TRADD: variants seen among roughly 807,000 people sequenced by gnomAD.
The protein encoded by TRADD is TNFRSF1A associated via death domain, also known as tumor necrosis factor receptor type 1-associated DEATH domain protein.
A neutral mutation model predicts 31.5 loss-of-function variants in TRADD; 14 were observed. The observed-to-expected ratio is 0.44, with a 90% CI of 0.29 to 0.69. The LOEUF (loss-of-function observed/expected upper bound fraction) is 0.69. TRADD is among the 30% of genes least tolerant of loss of function. The pLI is 0.11. For missense variants in TRADD, 388 were observed against 435.7 expected, an observed-to-expected ratio of 0.89 and a Z score of 0.97; for synonymous variants, 220 against 215.8, an observed-to-expected ratio of 1.02 and a Z score of -0.17.
chr16:67,156,157 C>A lies in TRADD; in HGVS notation c.151+353G>T. On this transcript the variant is annotated intron_variant, in intron 2 of 4. Transcript: ENST00000345057. The surrounding 1 kb of genome is among the most constrained non-coding windows in gnomAD (Gnocchi z 4.6). ...TCTGCCCTGAGATGGGAAAGGGGGGCCTGGAAGGGTAGGTACTGGGGAGGG... is the reference window on the plus strand; with the variant it reads ...TCTGCCCTGAGATGGGAAAGGGGGGACTGGAAGGGTAGGTACTGGGGAGGG... 1.5e-6 allele frequency: 2 copies of A among 1,374,286 alleles called. No homozygotes were observed. Among genetic ancestry groups the A allele is most frequent in the East Asian group, 4.0e-5 (1 of 25,002 alleles). The allele number at this position is 1,374,286 out of a possible 1,614,324, so 85.1% of individuals were successfully genotyped here.
At position 67,154,572 on chromosome 16, in the gene TRADD, G is replaced by A. The variant is rs2030581517; in HGVS notation, c.*77C>T. On this transcript the variant is annotated 3_prime_UTR_variant, in exon 5 of 5. Coordinates refer to ENST00000345057, the MANE Select transcript of TRADD (RefSeq NM_003789.4). This position sits in a 1 kb window ranked among gnomAD's most constrained non-coding sequence, Gnocchi z 5.2. ...AGTGGAGTTTCAGGGTCCCGTGGATGGACAGGGGTTCAGCAATAGCCGCAG... is the reference window on the plus strand; with the variant it reads ...AGTGGAGTTTCAGGGTCCCGTGGATAGACAGGGGTTCAGCAATAGCCGCAG... The A allele has an allele frequency of 6.5e-7, 1 of 1,527,012 alleles. No homozygotes were observed. The highest frequency in any genetic ancestry group is 1.9e-5 in the Admixed American group (1 of 52,434). The allele number at this position is 1,527,012 out of a possible 1,614,324, so 94.6% of individuals were successfully genotyped here. A position where few individuals can be genotyped will look rare whatever the true frequency, so the allele number is the denominator to read the frequency against.
intron 2 of TRADD, chr16:67,155,937 G>C (rs998186159): frequency 1.3e-6 from 2 of 1,496,586 alleles, no homozygotes; most frequent in Admixed American, 4.0e-5. Flanking sequence ...GAGGGACTTC[G>C]AAGCACAGAA....
Position 67,155,447 on chromosome 16 carries a change from G to C in TRADD, c.359C>G (p.Ala120Gly). 2 of 1,594,986 alleles carry C rather than the reference G, an allele frequency of 1.3e-6. No homozygotes were observed. The highest frequency in any genetic ancestry group is 2.2e-5 in the South Asian group (2 of 90,478). ...HSVPLQLELRAGAERLDALLA... is the reference protein window; with the variant it reads ...HSVPLQLELRGGAERLDALLA... The stretch of plus-strand genomic sequence containing the variant: ...CAAAGCGTCCAGCCGCTCGGCGCCG[G>C]CGCGCAGCTCCAGTTGCAGCGGCAC... The change falls in exon 3 of 5, where the codon GCC (alanine) becomes GGC (glycine). Residue 120 changes from alanine to glycine, a missense_variant. Transcript: ENST00000345057.
chr16:67,158,137 AGTAAGGCACTACTCTCGACCTTT>A (rs368211408), intron 1 of TRADD, among the ~76,000 whole-genome samples: 62 of 152,272 alleles, frequency 4.1e-4, no homozygotes, highest in African/African-American at 1.4e-3. Flanking sequence ...CGATTACAGG[AGTAAGGCACTACTCTCGACCTTT>A]GTTTTTTCAA....
Position 67,155,137 on chromosome 16 carries a change from G to A in TRADD, c.587C>T (p.Pro196Leu). 1 of 1,545,748 alleles carries A rather than the reference G, an allele frequency of 6.5e-7. No homozygotes were observed. Among genetic ancestry groups the A allele is most frequent in the Non-Finnish European group, 8.7e-7 (1 of 1,149,084 alleles). Residue 196 changes from proline (P) to leucine (L), a missense_variant, in exon 4 of 5, where the codon CCG becomes CTG. Transcript: ENST00000345057. Reference protein sequence around the residue: ...SLSEVKPPPPPPPAQTFLFQG... With the variant: ...SLSEVKPPPPLPPAQTFLFQG... The stretch of plus-strand genomic sequence containing the variant: ...GAACAGAAAAGTCTGGGCAGGTGGC[G>A]GCGGCGGCGGCGGCTTCACCTCCGA...
rs749583288 is a variant in TRADD, at chr16:67,155,446, G to C, written c.360C>G (p.Ala120=). The change falls in exon 3 of 5, where the codon GCC becomes GCG. Residue 120 remains alanine, a synonymous_variant. Transcript: ENST00000345057. The part of the protein sequence containing the change: ...HSVPLQLELR[A]GAERLDALLA... ...GCAAAGCGTCCAGCCGCTCGGCGCC[G>C]GCGCGCAGCTCCAGTTGCAGCGGCA... 1 of 1,594,950 alleles carries C rather than the reference G, an allele frequency of 6.3e-7. No homozygotes were observed. The highest frequency in any genetic ancestry group is 8.5e-7 in the Non-Finnish European group (1 of 1,178,474).
chr16:67,157,794 G>A (rs2030751381), intron 1 of TRADD, among the ~76,000 whole-genome samples: 1 of 152,136 alleles, frequency 6.6e-6, no homozygotes, highest in South Asian at 2.1e-4. Context: ...TGGACCAGCG[G>A]GGGCAAAATT....
At position 67,156,051 on chromosome 16, in the gene TRADD, C is replaced by G; in HGVS notation, c.152-397G>C. Reference sequence around the variant, plus strand: ...CTTCGGCCTCCACCAAGCGCGACTCCCACTGCTCGGGAAGAAGAGGGGCTC... The same window carrying G: ...CTTCGGCCTCCACCAAGCGCGACTCGCACTGCTCGGGAAGAAGAGGGGCTC... On this transcript the variant is annotated intron_variant, in intron 2 of 4. Coordinates refer to ENST00000345057, the MANE Select transcript of TRADD (RefSeq NM_003789.4). The surrounding 1 kb of genome is among the most constrained non-coding windows in gnomAD (Gnocchi z 4.6). 7.4e-7 allele frequency: 1 copy of G among 1,359,042 alleles called. No individual in the cohort carries two copies. The highest frequency in any genetic ancestry group is 1.2e-5 in the South Asian group (1 of 81,606). The allele number at this position is 1,359,042 out of a possible 1,614,324, so 84.2% of individuals were successfully genotyped here. A position where few individuals can be genotyped will look rare whatever the true frequency, so the allele number is the denominator to read the frequency against.
intron 2 of TRADD, chr16:67,155,948 A>C: frequency 6.8e-7 from 1 of 1,466,296 alleles, no homozygotes; most frequent in African/African-American, 1.4e-5. Context: ...AAGCACAGAA[A>C]AGGGGGCGTG....
In TRADD at chr16:67,154,542, G is replaced by A. The variant is rs2030579925; in HGVS notation, c.*107C>T. 1.4e-6 allele frequency: 2 copies of A among 1,391,528 alleles called. No homozygotes were observed. Among genetic ancestry groups the A allele is most frequent in the Non-Finnish European group, 2.0e-6 (2 of 1,016,376 alleles). The allele number at this position is 1,391,528 out of a possible 1,614,324, so 86.2% of individuals were successfully genotyped here. On this transcript the variant is annotated 3_prime_UTR_variant, in exon 5 of 5. Transcript: ENST00000345057. The surrounding 1 kb of genome is among the most constrained non-coding windows in gnomAD (Gnocchi z 5.2). ...TCTGCCCCAGCAGGTCCAGCAGATA[G>A]GCCAAGTGGAGTTTCAGGGTCCCGT...
intron 1 of TRADD, among the ~76,000 whole-genome samples, chr16:67,157,658 C>T (rs1357563146): frequency 6.6e-6 from 1 of 152,196 alleles, no homozygotes; most frequent in Non-Finnish European, 1.5e-5. Context: ...TTATAAAGCC[C>T]TTGGAGTTCG....
chr16:67,155,117 G>A lies in TRADD; in HGVS notation c.607C>T (p.Leu203=). The change falls in exon 4 of 5, where the codon CTG becomes TTG. Residue 203 remains leucine, a synonymous_variant. Coordinates refer to ENST00000345057, the MANE Select transcript of TRADD (RefSeq NM_003789.4). ...TCACCTACAGGCTGACCCTGGAACA[G>A]AAAAGTCTGGGCAGGTGGCGGCGGC... The part of the protein sequence containing the change: ...PPPPPPAQTF[L]FQGQPVVNRP... The A allele has an allele frequency of 6.5e-7, 1 of 1,544,066 alleles. No homozygotes were observed. Among genetic ancestry groups the A allele is most frequent in the Non-Finnish European group, 8.7e-7 (1 of 1,147,818 alleles).
chr16:67,154,727 C>T lies in TRADD; in HGVS notation c.861G>A (p.Glu287=), dbSNP rs201772965. 74 of 1,612,134 alleles carry T rather than the reference C, an allele frequency of 4.6e-5. 1 individual carries two copies. Among genetic ancestry groups the T allele is most frequent in the Admixed American group, 1.7e-5 (1 of 59,922 alleles). ...TGGTGAGCTCGTTCTCCTCGAGTGC[C>T]TCCACCAGGCGCTGCAGCGTGGCGC... ...GRRATLQRLV[E]ALEENELTSL... is the part of the protein sequence containing the mutation. Residue 287 remains glutamate (E), a synonymous_variant, in exon 5 of 5, where the codon GAG becomes GAA. Transcript: ENST00000345057. This position sits in a 1 kb window ranked among gnomAD's most constrained non-coding sequence, Gnocchi z 5.2.
rs1290332042 is a variant in TRADD, at chr16:67,154,684, G to A, written c.904C>T (p.Leu302=). The A allele has an allele frequency of 6.2e-7, 1 of 1,612,924 alleles. No homozygotes were observed. Among genetic ancestry groups the A allele is most frequent in the Non-Finnish European group, 8.5e-7 (1 of 1,179,948 alleles). Residue 302 remains leucine, a synonymous_variant, in exon 5 of 5, where the codon CTG becomes TTG. Transcript: ENST00000345057. The surrounding 1 kb of genome is among the most constrained non-coding windows in gnomAD (Gnocchi z 5.2). ...CCGCCATTGGGATCGGTCAGGCCCA[G>A]CAAGTCCTCTGCCAGGCTGGTGAGC... ...NELTSLAEDL[L]GLTDPNGGLA
rs763427592 is a variant in TRADD, at chr16:67,154,771, C to A, written c.817G>T (p.Val273Leu). 4 of 1,604,388 alleles carry A rather than the reference C, an allele frequency of 2.5e-6. No homozygotes were observed. In the African/African-American group the frequency reaches 4.0e-5, roughly 16 times the overall value. The stretch of plus-strand genomic sequence containing the variant: ...GTGGCGCGGCGGCCCTCGGCCTGCA[C>A]GAAGCGCCGCAGCAGCTGGAAGGCC... Reference protein sequence around the residue: ...EQAFQLLRRFVQAEGRRATLQ... With the variant: ...EQAFQLLRRFLQAEGRRATLQ... The change falls in exon 5 of 5, where the codon GTG becomes TTG. Residue 273 changes from valine (V) to leucine (L), a missense_variant. Physicochemically the swap from Val to Leu is conservative, Grantham distance 32. Transcript: ENST00000345057. This position sits in a 1 kb window ranked among gnomAD's most constrained non-coding sequence, Gnocchi z 5.2.
Position 67,154,222 on chromosome 16 carries a change from T to G in TRADD, c.*427A>C, listed in dbSNP as rs2030565943. 3.8e-6 allele frequency: 1 copy of G among 261,646 alleles called. No homozygotes were observed. The highest frequency in any genetic ancestry group is 7.5e-6 in the Non-Finnish European group (1 of 132,898). The allele number at this position is 261,646 out of a possible 1,614,324, so 16.2% of individuals were successfully genotyped here. ...AAATCCGTGTTATACTTTATTATCA[T>G]TGCTTAACATTCGGGGTCCCACGCT... is the stretch of plus-strand genomic sequence containing the variant. On this transcript the variant is annotated 3_prime_UTR_variant, in exon 5 of 5. Coordinates refer to ENST00000345057, the MANE Select transcript of TRADD (RefSeq NM_003789.4). The surrounding 1 kb of genome is among the most constrained non-coding windows in gnomAD (Gnocchi z 5.2).
Position 67,154,766 on chromosome 16 carries a change from C to G in TRADD, c.822G>C (p.Gln274His), listed in dbSNP as rs202034447. Residue 274 changes from glutamine (Q) to histidine (H), a missense_variant, in exon 5 of 5, where the codon CAG becomes CAC. Coordinates refer to ENST00000345057, the MANE Select transcript of TRADD (RefSeq NM_003789.4). The surrounding 1 kb of genome is among the most constrained non-coding windows in gnomAD (Gnocchi z 5.2). ...QAFQLLRRFV[Q>H]AEGRRATLQR... ...GCAGCGTGGCGCGGCGGCCCTCGGC[C>G]TGCACGAAGCGCCGCAGCAGCTGGA... is the stretch of plus-strand genomic sequence containing the variant. 6.2e-7 allele frequency: 1 copy of G among 1,605,582 alleles called. No individual in the cohort carries two copies. Among genetic ancestry groups the G allele is most frequent in the African/African-American group, 1.3e-5 (1 of 74,854 alleles).
chr16:67,155,130 AGGT>A lies in TRADD; in HGVS notation c.591_593del (p.Pro198del), dbSNP rs2030622647. On this transcript the variant is annotated inframe_deletion, in exon 4 of 5. Transcript: ENST00000345057. The stretch of plus-strand genomic sequence containing the variant: ...GACCCTGGAACAGAAAAGTCTGGGC[AGGT>A]GGCGGCGGCGGCGGCGGCTTCACCT... 3.2e-6 allele frequency: 5 copies of A among 1,545,496 alleles called. No homozygotes were observed. The African/African-American group carries it at 6.8e-5, about 21-fold the overall frequency.
rs762601599 is a variant in TRADD, at chr16:67,155,495, G to T, written c.311C>A (p.Ala104Glu). The T allele has an allele frequency of 2.6e-6, 4 of 1,555,904 alleles. No homozygotes were observed. Among genetic ancestry groups the T allele is most frequent in the Middle Eastern group, 1.7e-4 (1 of 5,828 alleles). ...ALRAALQRSL[A>E]AALAQHSVPL... The stretch of plus-strand genomic sequence containing the variant: ...CACCGAGTGCTGGGCGAGCGCGGCC[G>T]CCAGGCTCCTCTGCAGCGCGGCGCG... Residue 104 changes from alanine to glutamate, a missense_variant, in exon 3 of 5, where the codon GCG becomes GAG. Transcript: ENST00000345057.
Sources: gnomAD v4.1 joint callset for allele counts (sites outside exome capture counted in the v4.1 genomes callset) on GRCh38, gnomAD v4.1.1 for gene constraint, Gnocchi (gnomAD v3.1) non-coding constraint, MANE v1.5 for transcripts, NCBI Gene and HGNC (gene_info 2026-07-23, HGNC 2026-07-21) for gene names.